The following SFMBT1 variants were observed in gnomAD, a reference collection of about 807,000 sequenced individuals.
SFMBT1 encodes the protein scm-like with four MBT domains protein 1.
In SFMBT1, 32 loss-of-function variants were observed where a neutral mutation model predicts 108.7. That is an observed-to-expected ratio of 0.29 (90% CI 0.22 to 0.40). SFMBT1 has a LOEUF of 0.40. Ranked by LOEUF, SFMBT1 falls within the 10% of genes least tolerant of loss-of-function variation. SFMBT1 has a pLI of 1.00. For missense variants in SFMBT1, 816 were observed against 1,059.6 expected, an observed-to-expected ratio of 0.77 and a Z score of 3.19; for synonymous variants, 348 against 369.5, an observed-to-expected ratio of 0.94 and a Z score of 0.67.
chr3:53,010,603 A>C (rs1698909164), intron 1 of SFMBT1, among the ~76,000 whole-genome samples: 1 of 152,248 alleles, frequency 6.6e-6, no homozygotes, highest in African/African-American at 2.4e-5. Flanking sequence ...GTTTCAAAGT[A>C]AGATGACATT....
intron 1 of SFMBT1, among the ~76,000 whole-genome samples, chr3:53,013,534 C>T (rs1250450797): frequency 6.7e-6 from 1 of 149,402 alleles, no homozygotes; most frequent in Non-Finnish European, 1.5e-5. Context: ...ATGCTCTCAC[C>T]ATTTTGTTAC....
chr3:53,033,261 G>T (rs1276013130), intron 1 of SFMBT1, among the ~76,000 whole-genome samples: 1 of 151,658 alleles, frequency 6.6e-6, no homozygotes, highest in Non-Finnish European at 1.5e-5. Flanking sequence ...CCCAGGTTCC[G>T]GCAATTCTCC....
At position 53,029,171 on chromosome 3, in the gene SFMBT1, C is replaced by CAAAA. The variant is rs60211879; in HGVS notation, c.-131+16641_-131+16644dup. Among the ~76,000 whole-genome samples the CAAAA allele has an allele frequency of 8.6e-4, 42 of 49,060 alleles. 2 individuals are homozygous for CAAAA. The South Asian group carries it at 0.015, about 18-fold the overall frequency. 32.2% of individuals were successfully genotyped at this position (49,060 alleles called of 152,430 possible). A position where few individuals can be genotyped will look rare whatever the true frequency, so the allele number is the denominator to read the frequency against. ...TGGGCGACAGAGCGAGACTCCGTCT[C>CAAAA]AAAAAAAAAAAAAAAAAAAAAAAGT... On this transcript the variant is annotated intron_variant, in intron 1 of 20. Transcript: ENST00000394752.
At chr3:53,004,897 T>A (rs528525009) in intron 1 of SFMBT1, among the ~76,000 whole-genome samples, 1 of 152,188 alleles carries the variant, frequency 6.6e-6, no homozygotes, top group Admixed American at 6.5e-5. Context: ...TTGACAACAA[T>A]ATTCACAGTA....
rs779770445 is a variant in SFMBT1 at position 52,928,175 on chromosome 3, G to A, written c.1048+16C>T. ...GAAGCTCTCAAGTGACAATTCAGAA[G>A]ACAGCGAATGTGCACCTGGAGGGGG... is the stretch of plus-strand genomic sequence containing the variant. On this transcript the variant is annotated intron_variant, in intron 9 of 20. Transcript: ENST00000394752. The A allele has an allele frequency of 1.2e-6, 2 of 1,604,562 alleles. No individual in the cohort carries two copies. Among genetic ancestry groups the A allele is most frequent in the South Asian group, 2.2e-5 (2 of 89,694 alleles).
intron 2 of SFMBT1, among the ~76,000 whole-genome samples, chr3:52,963,241 C>T (rs1048958748): frequency 5.3e-5 from 8 of 151,906 alleles, no homozygotes; most frequent in East Asian, 1.9e-4. Context: ...GTGGTCCGCC[C>T]GCCTCGCCCT....
rs184067608 is a variant in SFMBT1 at position 52,963,354 on chromosome 3, A to T, written c.28+5747T>A. 2.4e-3 allele frequency among the ~76,000 whole-genome samples: 361 copies of T among 152,302 alleles called. 2 individuals carry two copies. Among genetic ancestry groups the T allele is most frequent in the African/African-American group, 6.1e-3 (253 of 41,562 alleles). On this transcript the variant is annotated intron_variant, in intron 2 of 20. Transcript: ENST00000394752. ...ATTTAGAAACAATTAAATTGAAATTAAAAAAATTCTATAAATTTCAAATAA... is the reference window on the plus strand; with the variant it reads ...ATTTAGAAACAATTAAATTGAAATTTAAAAAATTCTATAAATTTCAAATAA...
intron 1 of SFMBT1, among the ~76,000 whole-genome samples, chr3:53,022,482 A>AGAC (rs1282063510): frequency 1.3e-5 from 2 of 151,388 alleles, no homozygotes; most frequent in Non-Finnish European, 2.9e-5. Context: ...AGCAAACATA[A>AGAC]GACCCTGTTT....
At chr3:52,954,135 A>T (rs970278800) in intron 3 of SFMBT1, among the ~76,000 whole-genome samples, 182 bp downstream of exon 3, 2 of 152,084 alleles carry the variant, frequency 1.3e-5, no homozygotes, top group African/African-American at 4.8e-5. Flanking sequence ...AAAAAAAAAT[A>T]AAAAAATAAA....
intron 1 of SFMBT1, among the ~76,000 whole-genome samples, chr3:53,003,087 A>G (rs900329111): frequency 3.1e-5 from 4 of 129,390 alleles, no homozygotes; most frequent in African/African-American, 1.1e-4. Flanking sequence ...GTGTCACTGC[A>G]CTCCAGCCTG....
intron 2 of SFMBT1, among the ~76,000 whole-genome samples, chr3:52,964,297 A>G (rs879775399): frequency 3.9e-5 from 6 of 152,204 alleles, no homozygotes; most frequent in Admixed American, 2.6e-4. Context: ...GATCACTTGA[A>G]GCCAGGAGTT....
intron 19 of SFMBT1, 99 bp downstream of exon 19, chr3:52,906,970 T>C: frequency 7.1e-7 from 1 of 1,413,568 alleles, no homozygotes; most frequent in Admixed American, 2.4e-5. Flanking sequence ...CATAAGTCTG[T>C]ATTGAAAGAA....
chr3:52,969,273 A>AGCCT lies in SFMBT1; in HGVS notation c.-130-16_-130-15insAGGC. The AGCCT allele has an allele frequency of 6.7e-7, 1 of 1,496,932 alleles. No individual in the cohort carries two copies. The highest frequency in any genetic ancestry group is 8.9e-7 in the Non-Finnish European group (1 of 1,129,902). 92.7% of individuals were successfully genotyped at this position (1,496,932 alleles called of 1,614,324 possible). On this transcript the variant is annotated splice_polypyrimidine_tract_variant and intron_variant, in intron 1 of 20. Transcript: ENST00000394752. ...AAATGAAAGTGCTGAAAAATGAAAAAGAACACATTAAACAGCCTGAAGCCC... is the reference window on the plus strand; with the variant it reads ...AAATGAAAGTGCTGAAAAATGAAAAAGCCTGAACACATTAAACAGCCTGAAGCCC...
intron 4 of SFMBT1, among the ~76,000 whole-genome samples, chr3:52,939,097 T>G (rs1703107315): frequency 6.6e-6 from 1 of 152,234 alleles, no homozygotes; most frequent in Admixed American, 6.5e-5. Context: ...AAATCTTGTT[T>G]TCTTTCCTCT....
chr3:53,018,463 C>A (rs992944012), intron 1 of SFMBT1, among the ~76,000 whole-genome samples: 1 of 151,854 alleles, frequency 6.6e-6, no homozygotes, highest in Non-Finnish European at 1.5e-5. Flanking sequence ...TCAGTTAGAC[C>A]CCATGTTCTA....
chr3:52,975,522 C>G (rs189145362), intron 1 of SFMBT1, among the ~76,000 whole-genome samples: 2 of 152,240 alleles, frequency 1.3e-5, no homozygotes, highest in Admixed American at 6.5e-5. Flanking sequence ...GACCTCATCT[C>G]TACGAAAAAT....
chr3:52,944,396 G>A (rs569487305), intron 3 of SFMBT1, among the ~76,000 whole-genome samples: 6 of 152,136 alleles, frequency 3.9e-5, no homozygotes, highest in Admixed American at 1.3e-4. Context: ...AGAAATGAAC[G>A]AATAATAGAG....
chr3:53,022,449 CAAAA>C (rs34744052), intron 1 of SFMBT1, among the ~76,000 whole-genome samples: 4 of 40,650 alleles, frequency 9.8e-5, no homozygotes, highest in Non-Finnish European at 2.3e-4. Flanking sequence ...GGTGCTGTCT[CAAAA>C]AAAAAAAAAA....
chr3:53,030,397 C>T (rs1305328715), intron 1 of SFMBT1, among the ~76,000 whole-genome samples: 4 of 151,928 alleles, frequency 2.6e-5, no homozygotes, highest in African/African-American at 9.7e-5. Context: ...AAAAGGAATA[C>T]ACTCTTTTTT....
Sources: gnomAD v4.1 joint callset for allele counts (sites outside exome capture counted in the v4.1 genomes callset) on GRCh38, gnomAD v4.1.1 for gene constraint, MANE v1.5 for transcripts, NCBI Gene and HGNC (gene_info 2026-07-23, HGNC 2026-07-21) for gene names.